The following PDPR variants were observed in gnomAD, a reference collection of about 807,000 sequenced individuals.
The protein encoded by PDPR is pyruvate dehydrogenase phosphatase regulatory subunit, mitochondrial.
In PDPR, 50 loss-of-function variants were observed where a neutral mutation model predicts 102.2. The observed-to-expected ratio is 0.49, with a 90% CI of 0.39 to 0.62. The LOEUF (loss-of-function observed/expected upper bound fraction) is 0.62. Among genes scored for constraint, PDPR ranks in the 20% least tolerant of loss-of-function variants. PDPR has a pLI of 0.00. For synonymous variants in PDPR, 259 were observed against 406.0 expected (o/e 0.64, Z 4.35); for missense variants, 625 against 1,098.2 (o/e 0.57, Z 6.09).
chr16:70,120,420 T>A (rs1181286047), intron 2 of PDPR, 41 bp from the exon 3 acceptor site: 1 of 989,296 alleles, frequency 1.0e-6, no homozygotes, highest in East Asian at 2.5e-5. Context: ...TCCCATGCAC[T>A]GAGTAGAATG....
chr16:70,132,869 G>T (rs1305737194), intron 9 of PDPR, among the ~76,000 whole-genome samples: 1 of 152,252 alleles, frequency 6.6e-6, no homozygotes, highest in Non-Finnish European at 1.5e-5. Context: ...CTGGAGTGCA[G>T]TGGCATGATC....
chr16:70,163,266 G>GTTT (rs67708146), downstream of PDPR, among the ~76,000 whole-genome samples: 804 of 149,152 alleles, frequency 5.4e-3, no homozygotes, highest in Non-Finnish European at 5.7e-3. Flanking sequence ...TTTTTGAGTA[G>GTTT]TTTTTTTTTT....
chr16:70,119,868 A>C (rs1353214109), intron 2 of PDPR, among the ~76,000 whole-genome samples: 2 of 150,250 alleles, frequency 1.3e-5, no homozygotes, highest in Non-Finnish European at 2.9e-5. Flanking sequence ...AGAATATCTG[A>C]AACTCAGAAT....
chr16:70,147,953 G>A (rs562256967), intron 16 of PDPR, among the ~76,000 whole-genome samples: 8 of 152,344 alleles, frequency 5.3e-5, no homozygotes, highest in African/African-American at 1.7e-4. Flanking sequence ...CGGTGATTGC[G>A]TCAGTGGCCG....
At chr16:70,148,607 CTT>C in intron 17 of PDPR, 54 bp downstream of exon 17, 2 of 1,499,420 alleles carry the variant, frequency 1.3e-6, no homozygotes, top group Non-Finnish European at 1.8e-6. Flanking sequence ...CTTCCCTTCC[CTT>C]CCCTTCCCAC....
intron 2 of PDPR, among the ~76,000 whole-genome samples, chr16:70,115,385 G>A (rs1312969281): frequency 1.3e-5 from 2 of 152,224 alleles, no homozygotes; most frequent in East Asian, 1.9e-4. Flanking sequence ...GCCTCCCAAA[G>A]TGCTGGGATT....
At chr16:70,120,931 CTTTTTTTTTTTTT>C (rs71385643) in intron 3 of PDPR, among the ~76,000 whole-genome samples, 14 of 103,052 alleles carry the variant, frequency 1.4e-4, no homozygotes, top group East Asian at 5.9e-4. Context: ...TTTCGTTTTC[CTTTTTTTTTTTTT>C]TTTTTTTTTT....
intron 3 of PDPR, among the ~76,000 whole-genome samples, chr16:70,124,541 C>T (rs1240280973): frequency 2.0e-5 from 3 of 152,270 alleles, no homozygotes; most frequent in Admixed American, 2.0e-4. Context: ...GTGCCCAGAC[C>T]TCTCCCCAGA....
intron 3 of PDPR, among the ~76,000 whole-genome samples, chr16:70,123,162 A>G (rs1348001493): frequency 1.3e-5 from 2 of 152,250 alleles, no homozygotes; most frequent in Non-Finnish European, 2.9e-5. Context: ...TCAGCCTCCC[A>G]AAGTGCTGGG....
At chr16:70,151,435 C>T (rs1034053778) in intron 17 of PDPR, among the ~76,000 whole-genome samples, 34 of 152,270 alleles carry the variant, frequency 2.2e-4, no homozygotes, top group Non-Finnish European at 3.4e-4. Context: ...ATAATATCAG[C>T]GCATGAAATT....
intron 10 of PDPR, among the ~76,000 whole-genome samples, chr16:70,137,088 C>T (rs1311552873): frequency 6.6e-6 from 1 of 152,036 alleles, no homozygotes; most frequent in Non-Finnish European, 1.5e-5. Context: ...CGCAGTGGCT[C>T]ACGCTTGTAA....
At chr16:70,139,981 G>A (rs1965543955) in intron 11 of PDPR, among the ~76,000 whole-genome samples, 1 of 152,210 alleles carries the variant, frequency 6.6e-6, no homozygotes, top group African/African-American at 2.4e-5. Flanking sequence ...GGAGATGAAG[G>A]ACCTAACAGC....
chr16:70,129,765 G>A (rs1964350001), intron 6 of PDPR, among the ~76,000 whole-genome samples: 1 of 152,266 alleles, frequency 6.6e-6, no homozygotes, highest in Non-Finnish European at 1.5e-5. Flanking sequence ...CAGTTGCATT[G>A]AATGAGGGGA....
At chr16:70,151,083 C>T (rs373623346) in intron 17 of PDPR, among the ~76,000 whole-genome samples, 9 of 152,230 alleles carry the variant, frequency 5.9e-5, no homozygotes, top group Non-Finnish European at 7.3e-5. Context: ...TACAGGCACA[C>T]GCCACCACAC....
chr16:70,126,756 C>A (rs1964017768), intron 3 of PDPR, among the ~76,000 whole-genome samples: 1 of 152,244 alleles, frequency 6.6e-6, no homozygotes, highest in Non-Finnish European at 1.5e-5. Flanking sequence ...GAACTCCTGG[C>A]CTCCAGTGAA....
chr16:70,153,609 A>G, intron 18 of PDPR, 36 bp downstream of exon 18: 2 of 1,551,370 alleles, frequency 1.3e-6, no homozygotes, highest in Non-Finnish European at 1.7e-6. Context: ...TTCACTCAGC[A>G]TCCCGAGTAG....
chr16:70,153,342 C>CAA (rs777773139), intron 17 of PDPR, 49 bp from the exon 18 acceptor site: 18 of 1,562,394 alleles, frequency 1.2e-5, no homozygotes, highest in Non-Finnish European at 1.6e-5. Context: ...ATGCTCCATG[C>CAA]TTAATTCTGA....
At position 70,162,361 on chromosome 16, in the gene PDPR, T is replaced by A. The variant is rs1379160471; in HGVS notation, c.*5482T>A. The A allele has an allele frequency of 6.6e-6, 1 of 152,576 alleles. No individual in the cohort carries two copies. Among genetic ancestry groups the A allele is most frequent in the African/African-American group, 2.4e-5 (1 of 41,480 alleles). 9.5% of individuals were successfully genotyped at this position (152,576 alleles called of 1,614,324 possible). On this transcript the variant is annotated 3_prime_UTR_variant, in exon 19 of 19. Transcript: ENST00000288050. ...AAGACATCCGAGGCACTTCAGTAAG[T>A]GGGATCTTTTCTAGAGATCCTGGGT...
chr16:70,161,679 C>T lies in PDPR; in HGVS notation c.*4800C>T, dbSNP rs1027596820. On this transcript the variant is annotated 3_prime_UTR_variant, in exon 19 of 19. Transcript: ENST00000288050. ...TCGCCTTTGTAGCCCTGATCACTAC[C>T]AGTACACTTTTCAAGACAACTGAGT... The T allele has an allele frequency of 1.3e-5, 2 of 152,624 alleles. No individual in the cohort carries two copies. Among genetic ancestry groups the T allele is most frequent in the African/African-American group, 4.8e-5 (2 of 41,476 alleles). 9.5% of individuals were successfully genotyped at this position (152,624 alleles called of 1,614,324 possible). A position where few individuals can be genotyped will look rare whatever the true frequency, so the allele number is the denominator to read the frequency against.
Sources: gnomAD v4.1 joint callset for allele counts (sites outside exome capture counted in the v4.1 genomes callset) on GRCh38, gnomAD v4.1.1 for gene constraint, MANE v1.5 for transcripts, NCBI Gene and HGNC (gene_info 2026-07-23, HGNC 2026-07-21) for gene names.